Variants in PTPRT observed in about 807,000 individuals in gnomAD.
PTPRT encodes the protein protein tyrosine phosphatase receptor type T, also known as receptor-type tyrosine-protein phosphatase T.
PTPRT carries 56 observed loss-of-function variants against 176.8 expected under a neutral mutation model. That is an observed-to-expected ratio of 0.32 (90% CI 0.26 to 0.40). PTPRT has a LOEUF of 0.40. Among genes scored for constraint, PTPRT ranks in the 10% least tolerant of loss-of-function variants. The probability of loss-of-function intolerance (pLI) is 1.00; values close to 1 mark genes in which losing one functional copy is unlikely to be tolerated. For missense variants in PTPRT, 1,540 were observed against 1,908.2 expected (o/e 0.81, Z 3.60); for synonymous variants, 783 against 739.0 (o/e 1.06, Z -0.96).
intron 7 of PTPRT, among the ~76,000 whole-genome samples, chr20:42,480,947 T>A (rs190531025): frequency 6.6e-6 from 1 of 151,736 alleles, no homozygotes; most frequent in South Asian, 2.1e-4. Flanking sequence ...GTCCCAGCAA[T>A]AGATGAATCA....
At chr20:42,724,687 C>T (rs532330241) in intron 6 of PTPRT, among the ~76,000 whole-genome samples, 1 of 152,158 alleles carries the variant, frequency 6.6e-6, no homozygotes, top group Non-Finnish European at 1.5e-5. Context: ...AATCCCAACA[C>T]TTTGGGAGGC....
intron 7 of PTPRT, among the ~76,000 whole-genome samples, chr20:42,496,025 T>C (rs921153687): frequency 1.3e-5 from 2 of 152,200 alleles, no homozygotes; most frequent in Non-Finnish European, 2.9e-5. Flanking sequence ...TTATACATTG[T>C]ATTCTTACAA....
intron 1 of PTPRT, among the ~76,000 whole-genome samples, chr20:43,148,169 C>T (rs1208960538): frequency 2.0e-5 from 3 of 152,140 alleles, no homozygotes; most frequent in Non-Finnish European, 4.4e-5. Context: ...ACCCTCACAC[C>T]TGCCCTTCAC....
At chr20:42,115,978 C>T (rs1274453180) in intron 21 of PTPRT, 14 of 713,892 alleles carry the variant, frequency 2.0e-5, no homozygotes, top group South Asian at 1.0e-4. Context: ...CTGTTTAAGT[C>T]GCACTCATGG....
At chr20:42,675,340 C>T (rs974856267) in intron 7 of PTPRT, among the ~76,000 whole-genome samples, 5 of 152,198 alleles carry the variant, frequency 3.3e-5, no homozygotes, top group Admixed American at 6.5e-5. Flanking sequence ...ATACCTAATA[C>T]GATATCTTGG....
intron 15 of PTPRT, among the ~76,000 whole-genome samples, chr20:42,211,415 T>C (rs2055624894): frequency 6.7e-6 from 1 of 150,272 alleles, no homozygotes; most frequent in South Asian, 2.1e-4. Flanking sequence ...AGGGCTAATA[T>C]CCAGAATCTA....
chr20:43,068,587 G>T (rs1333565560), intron 1 of PTPRT, among the ~76,000 whole-genome samples: 1 of 151,808 alleles, frequency 6.6e-6, no homozygotes, highest in African/African-American at 2.4e-5. Flanking sequence ...TGGGACAACT[G>T]GGGGTATAAC....
At chr20:42,472,623 A>G (rs1370667192) in intron 7 of PTPRT, 61 bp from the exon 8 acceptor site, 7 of 1,531,884 alleles carry the variant, frequency 4.6e-6, no homozygotes, top group East Asian at 4.5e-5. Context: ...GCTGGGGTAC[A>G]TGTTCTGCTA....
chr20:42,716,305 T>C (rs1181186675), intron 6 of PTPRT, among the ~76,000 whole-genome samples: 1 of 152,232 alleles, frequency 6.6e-6, no homozygotes, highest in Non-Finnish European at 1.5e-5. Context: ...TTTCTAGTTC[T>C]AGATCTCTGA....
At chr20:42,315,078 A>C (rs2057697036) in intron 12 of PTPRT, among the ~76,000 whole-genome samples, 1 of 151,880 alleles carries the variant, frequency 6.6e-6, no homozygotes, top group Non-Finnish European at 1.5e-5. Flanking sequence ...TATTTGACAC[A>C]AAAATGGTTA....
At chr20:42,300,280 A>AG (rs2057445545) in intron 12 of PTPRT, among the ~76,000 whole-genome samples, 1 of 149,834 alleles carries the variant, frequency 6.7e-6, no homozygotes, top group East Asian at 2.0e-4. Context: ...AAAAAAAAAA[A>AG]TAGACAGAAA....
intron 9 of PTPRT, among the ~76,000 whole-genome samples, chr20:42,374,031 G>T (rs1330601814): frequency 6.6e-6 from 1 of 152,194 alleles, no homozygotes; most frequent in Non-Finnish European, 1.5e-5. Context: ...GAGAGGGCAA[G>T]TGACAGTCTA....
At chr20:42,617,442 T>C (rs1215143965) in intron 7 of PTPRT, among the ~76,000 whole-genome samples, 2 of 132,748 alleles carry the variant, frequency 1.5e-5, no homozygotes, top group Non-Finnish European at 3.1e-5. Flanking sequence ...ATCAGAATGA[T>C]GCTGGCCTCA....
At chr20:43,146,069 C>T (rs1213139798) in intron 1 of PTPRT, among the ~76,000 whole-genome samples, 2 of 152,186 alleles carry the variant, frequency 1.3e-5, no homozygotes, top group Admixed American at 1.3e-4. Flanking sequence ...GTGGATGTAA[C>T]TCTCAGCGAA....
intron 1 of PTPRT, among the ~76,000 whole-genome samples, chr20:43,083,348 A>G (rs1359277766): frequency 2.7e-4 from 33 of 123,882 alleles, no homozygotes; most frequent in South Asian, 1.1e-3. Flanking sequence ...ATATATATAT[A>G]TATATATATA....
chr20:42,103,774 T>C (rs552716209), intron 25 of PTPRT, among the ~76,000 whole-genome samples: 4 of 152,242 alleles, frequency 2.6e-5, no homozygotes, highest in Non-Finnish European at 5.9e-5. Context: ...AATTCACACC[T>C]GTTTGTATAA....
chr20:42,852,016 TTC>T (rs1179661405), intron 2 of PTPRT, among the ~76,000 whole-genome samples: 4 of 152,248 alleles, frequency 2.6e-5, no homozygotes, highest in East Asian at 1.9e-4. Context: ...TTATTTTGTA[TTC>T]TGTTTCAATT....
intron 7 of PTPRT, among the ~76,000 whole-genome samples, chr20:42,474,409 A>G (rs1378269131): frequency 6.6e-6 from 1 of 152,208 alleles, no homozygotes; most frequent in Non-Finnish European, 1.5e-5. Flanking sequence ...GAACCTGGCA[A>G]GCCCGCACAG....
intron 1 of PTPRT, among the ~76,000 whole-genome samples, chr20:42,999,615 T>TGTTGTTGTTG (rs35015314): frequency 0.011 from 1,690 of 150,526 alleles, 27 homozygotes; most frequent in Admixed American, 0.035. Flanking sequence ...TGGTTTTTTT[T>TGTTGTTGTTG]TTGTTGTTGT....
Sources: gnomAD v4.1 joint callset for allele counts (sites outside exome capture counted in the v4.1 genomes callset) on GRCh38, gnomAD v4.1.1 for gene constraint, MANE v1.5 for transcripts, NCBI Gene and HGNC (gene_info 2026-07-23, HGNC 2026-07-21) for gene names.